SLC2A7: variants seen among roughly 807,000 people sequenced by gnomAD.
The protein encoded by SLC2A7 is solute carrier family 2, facilitated glucose transporter member 7.
In SLC2A7, 50 loss-of-function variants were observed where a neutral mutation model predicts 50.5. The ratio of observed to expected loss-of-function variants is 0.99; its 90% CI spans 0.79 to 1.25. The LOEUF is 1.25. Among genes scored for constraint, SLC2A7 ranks in the 50% most tolerant of loss-of-function variants. The pLI, the probability that SLC2A7 is intolerant of heterozygous loss-of-function variation, is 0.00. For synonymous variants in SLC2A7, 308 were observed against 300.4 expected, an observed-to-expected ratio of 1.03 and a Z score of -0.26; for missense variants, 683 against 679.1, an observed-to-expected ratio of 1.01 and a Z score of -0.06.
chr1:8,999,174 G>A (rs1640544080), downstream of SLC2A7, among the ~76,000 whole-genome samples: 1 of 151,778 alleles, frequency 6.6e-6, no homozygotes, highest in Admixed American at 6.6e-5. Context: ...TTTTTGCCCG[G>A]CTAATTTTTG....
At chr1:9,019,878 C>T (rs534064838) in intron 3 of SLC2A7, among the ~76,000 whole-genome samples, 28 of 152,010 alleles carry the variant, frequency 1.8e-4, no homozygotes, top group Middle Eastern at 3.4e-3. Flanking sequence ...GAGCCGAGAT[C>T]GTGCCACTGC....
At chr1:9,020,688 T>TC (rs1640900644) in intron 3 of SLC2A7, among the ~76,000 whole-genome samples, 1 of 151,140 alleles carries the variant, frequency 6.6e-6, no homozygotes, top group African/African-American at 2.4e-5. Flanking sequence ...TTTTTTTTTT[T>TC]TGAGATGGAG....
intron 8 of SLC2A7, among the ~76,000 whole-genome samples, chr1:9,011,452 G>A (rs1489326289): frequency 5.9e-5 from 9 of 152,250 alleles, no homozygotes; most frequent in South Asian, 4.1e-4. Context: ...TCAGGAGTTC[G>A]AAACCAGCCG....
chr1:8,995,753 A>T, the SLC2A7 span, among the ~76,000 whole-genome samples: 2,486 of 152,110 alleles, frequency 0.016, 36 homozygotes, highest in African/African-American at 0.042. Flanking sequence ...CTCAAAAAAA[A>T]TTTTTTTATT....
chr1:9,024,819 C>T (rs1640970051), intron 2 of SLC2A7, among the ~76,000 whole-genome samples, 157 bp downstream of exon 2: 1 of 152,194 alleles, frequency 6.6e-6, no homozygotes, highest in Non-Finnish European at 1.5e-5. Context: ...CAGGGGTGAG[C>T]ATCCAGGGTA....
At position 9,004,733 on chromosome 1, in the gene SLC2A7, G is replaced by A. The variant is rs1489645865; in HGVS notation, c.1320+19C>T. ...CTGGAGGCCCGGTGGAGCGGGTTGGGGAAGGGGCCCTCACTCACCTGGATG... is the reference window on the plus strand; with the variant it reads ...CTGGAGGCCCGGTGGAGCGGGTTGGAGAAGGGGCCCTCACTCACCTGGATG... On this transcript the variant is annotated intron_variant, in intron 11 of 11. Coordinates refer to ENST00000400906, the MANE Select transcript of SLC2A7 (RefSeq NM_207420.3). The A allele has an allele frequency of 1.2e-6, 2 of 1,613,436 alleles. No homozygotes were observed. The highest frequency in any genetic ancestry group is 1.7e-6 in the Non-Finnish European group (2 of 1,179,534).
chr1:9,016,399 G>A (rs560028603), intron 5 of SLC2A7, among the ~76,000 whole-genome samples: 3 of 152,316 alleles, frequency 2.0e-5, no homozygotes, highest in African/African-American at 7.2e-5. Flanking sequence ...GAGCCCAGGA[G>A]TTACAGATCA....
At chr1:9,001,115 A>AAG (rs1640567196), downstream of SLC2A7, among the ~76,000 whole-genome samples, 1 of 152,170 alleles carries the variant, frequency 6.6e-6, no homozygotes, top group African/African-American at 2.4e-5. Context: ...CAAGCATGCC[A>AAG]ATGGAAAAAG....
intron 2 of SLC2A7, 140 bp downstream of exon 2, chr1:9,024,836 C>T: frequency 1.1e-6 from 1 of 871,208 alleles, no homozygotes; most frequent in Non-Finnish European, 1.8e-6. Context: ...GGTACTAGGG[C>T]AAGCTGGCTG....
chr1:9,007,230 T>C, intron 10 of SLC2A7, 80 bp downstream of exon 10: 9 of 1,505,066 alleles, frequency 6.0e-6, no homozygotes, highest in Non-Finnish European at 7.4e-6. Flanking sequence ...ACTCAGCAAA[T>C]ATGTGTCGAG....
At chr1:9,007,281 CG>C (rs1557646406) in intron 10 of SLC2A7, 28 bp downstream of exon 10, 1 of 1,613,032 alleles carries the variant, frequency 6.2e-7, no homozygotes, top group Admixed American at 1.7e-5. Flanking sequence ...CCAGGATGGC[CG>C]GGGCGAGGGA....
At chr1:9,020,730 G>A (rs951136581) in intron 3 of SLC2A7, among the ~76,000 whole-genome samples, 1 of 149,354 alleles carries the variant, frequency 6.7e-6, no homozygotes, top group African/African-American at 2.5e-5. Context: ...AGAGTGCAAT[G>A]GTGGGATCTT....
At chr1:9,026,030 G>A (rs1273887096) in intron 1 of SLC2A7, among the ~76,000 whole-genome samples, 1 of 152,196 alleles carries the variant, frequency 6.6e-6, no homozygotes, top group Non-Finnish European at 1.5e-5. Context: ...GGAAGCGGAG[G>A]GGAGCAGGGG....
chr1:9,019,201 C>T lies in SLC2A7; in HGVS notation c.436+8G>A, dbSNP rs1640875037. On this transcript the variant is annotated splice_region_variant and intron_variant, in intron 4 of 11. Transcript: ENST00000400906. ...CCAAGGCTGAGCCGGAGCCTGGGCC[C>T]CAGGTACCTGCACAGACTCCCAGCA... 6.2e-7 allele frequency: 1 copy of T among 1,613,022 alleles called. No individual in the cohort carries two copies. Among genetic ancestry groups the T allele is most frequent in the Non-Finnish European group, 8.5e-7 (1 of 1,179,454 alleles).
intron 11 of SLC2A7, among the ~76,000 whole-genome samples, 173 bp downstream of exon 11, chr1:9,004,579 C>T (rs760722503): frequency 1.4e-4 from 21 of 152,302 alleles, no homozygotes; most frequent in South Asian, 6.2e-4. Context: ...ACTGAGAAAC[C>T]GGTGTCTTCA....
intron 5 of SLC2A7, among the ~76,000 whole-genome samples, chr1:9,017,009 G>A (rs1640840483): frequency 6.6e-6 from 1 of 152,022 alleles, no homozygotes; most frequent in African/African-American, 2.4e-5. Flanking sequence ...AGGATTCCTG[G>A]GCAGGTCATA....
At chr1:9,015,860 A>T (rs531826436) in intron 5 of SLC2A7, among the ~76,000 whole-genome samples, 1 of 151,618 alleles carries the variant, frequency 6.6e-6, no homozygotes, top group South Asian at 2.1e-4. Flanking sequence ...AGTGGCTGGA[A>T]CTACACGCGT....
rs926377088 is a variant in SLC2A7 at position 9,010,272 on chromosome 1, C to A, written c.1015-28G>T. 2.9e-5 allele frequency: 45 copies of A among 1,541,140 alleles called. No individual in the cohort carries two copies. The African/African-American group carries it at 5.5e-4, about 19-fold the overall frequency. ...GGAGGGGAAGGGGGACAGTGAGAAG[C>A]CGCCTTGGCCTGGCGCCCACGGTTC... is the stretch of plus-strand genomic sequence containing the variant. On this transcript the variant is annotated intron_variant, in intron 8 of 11. Transcript: ENST00000400906.
In SLC2A7 at chr1:9,026,315, G is replaced by T; in HGVS notation, c.31C>A (p.Pro11Thr). Residue 11 changes from proline to threonine, a missense_variant, in exon 1 of 12, where the codon CCC (proline) becomes ACC (threonine). By Grantham distance (38) the Pro-to-Thr change is conservative (BLOSUM62 -1). Transcript: ENST00000400906. MENKEAGTPP[P>T]IPSREGRLQP... is the part of the protein sequence containing the mutation. ...CTTACCCCCTCCCTGGATGGAATGG[G>T]TGGAGGGGTTCCCGCCTCTTTGTTC... The T allele has an allele frequency of 6.2e-7, 1 of 1,609,786 alleles. No homozygotes were observed. The highest frequency in any genetic ancestry group is 1.3e-5 in the African/African-American group (1 of 75,000).
Sources: allele counts gnomAD v4.1 joint callset (sites outside exome capture counted in the v4.1 genomes callset), GRCh38; gene constraint gnomAD v4.1.1; transcripts MANE v1.5; gene names NCBI Gene and HGNC (gene_info 2026-07-23, HGNC 2026-07-21).